USP10: variants seen among roughly 807,000 people sequenced by gnomAD.
USP10 encodes ubiquitin specific peptidase 10, also known as ubiquitin carboxyl-terminal hydrolase 10.
Under a neutral mutation model 84.5 loss-of-function variants are expected in USP10, and 22 were observed. The observed-to-expected ratio is 0.26, with a 90% CI of 0.19 to 0.37. The LOEUF (loss-of-function observed/expected upper bound fraction) is 0.37, where lower values mean the gene tolerates loss of function less well. Among genes scored for constraint, USP10 ranks in the 10% least tolerant of loss-of-function variants. The probability of loss-of-function intolerance (pLI) is 1.00; values close to 1 mark genes in which losing one functional copy is unlikely to be tolerated. For synonymous variants in USP10, 454 were observed against 387.6 expected, an observed-to-expected ratio of 1.17 and a Z score of -2.01; for missense variants, 1,019 against 998.9, an observed-to-expected ratio of 1.02 and a Z score of -0.27.
intron 1 of USP10, among the ~76,000 whole-genome samples, chr16:84,717,865 C>T (rs1313002966): frequency 2.6e-5 from 4 of 152,192 alleles, no homozygotes; most frequent in African/African-American, 9.6e-5. Flanking sequence ...TTAATTCATT[C>T]AGTTGCTATT....
intron 1 of USP10, among the ~76,000 whole-genome samples, chr16:84,727,714 A>G (rs1304478390): frequency 2.0e-5 from 3 of 152,238 alleles, no homozygotes; most frequent in African/African-American, 7.2e-5. Flanking sequence ...ATACAGACAT[A>G]CAATATTTTT....
chr16:84,759,681 G>A (rs1033034394), intron 6 of USP10, among the ~76,000 whole-genome samples: 2 of 152,140 alleles, frequency 1.3e-5, no homozygotes, highest in African/African-American at 4.8e-5. Context: ...AGATTCAGTA[G>A]AAAATATTTT....
At chr16:84,704,398 C>G (rs1239484839) in intron 1 of USP10, among the ~76,000 whole-genome samples, 1 of 152,234 alleles carries the variant, frequency 6.6e-6, no homozygotes, top group East Asian at 1.9e-4. Flanking sequence ...ACAGATAAAT[C>G]TGTTTGCAAT....
At chr16:84,715,381 A>T (rs961114351) in intron 1 of USP10, among the ~76,000 whole-genome samples, 6 of 152,192 alleles carry the variant, frequency 3.9e-5, no homozygotes, top group African/African-American at 1.4e-4. Context: ...ACGTTACAAG[A>T]TGTGTAATTA....
rs747704226 is a variant in USP10 at position 84,745,690 on chromosome 16, A to G, written c.1192+17A>G. The stretch of plus-strand genomic sequence containing the variant: ...AGATTGCAGGTATAGTTGAAAAGAT[A>G]CAAATCTAGAGTGAAGATGGGAGCA... On this transcript the variant is annotated intron_variant, in intron 4 of 13. Transcript: ENST00000219473. 6.3e-7 allele frequency: 1 copy of G among 1,591,036 alleles called. No homozygotes were observed. The highest frequency in any genetic ancestry group is 8.6e-7 in the Non-Finnish European group (1 of 1,167,784).
At chr16:84,732,817 G>A (rs1386121664) in intron 1 of USP10, among the ~76,000 whole-genome samples, 1 of 152,176 alleles carries the variant, frequency 6.6e-6, no homozygotes, top group Admixed American at 6.5e-5. Context: ...TCACATCCGT[G>A]CAGTTTAACC....
intron 11 of USP10, among the ~76,000 whole-genome samples, chr16:84,769,830 G>A (rs1424281782): frequency 6.6e-6 from 1 of 152,176 alleles, no homozygotes; most frequent in East Asian, 1.9e-4. Flanking sequence ...GCTGGGGTGG[G>A]CTGGTAGGGG....
intron 1 of USP10, among the ~76,000 whole-genome samples, chr16:84,725,621 C>G (rs578034210): frequency 1.3e-5 from 2 of 152,048 alleles, no homozygotes; most frequent in Non-Finnish European, 2.9e-5. Flanking sequence ...GCAGTCTGTT[C>G]TCTGACTCCT....
chr16:84,720,603 A>G lies in USP10; in HGVS notation c.22-12832A>G, dbSNP rs1450725903. On this transcript the variant is annotated intron_variant, in intron 1 of 13. Coordinates refer to ENST00000219473, the MANE Select transcript of USP10 (RefSeq NM_005153.3). ...TTTTTTTTTTTTTTTTTTTTTTGAG[A>G]TGGAGCCTCGCTGTGTTGCCCAGGC... is the stretch of plus-strand genomic sequence containing the variant. Among the ~76,000 whole-genome samples the G allele has an allele frequency of 9.1e-4, 30 of 32,936 alleles. 2 individuals carry two copies. The South Asian group carries it at 0.059, about 65-fold the overall frequency. 21.6% of individuals were successfully genotyped at this position (32,936 alleles called of 152,430 possible). A position where few individuals can be genotyped will look rare whatever the true frequency, so the allele number is the denominator to read the frequency against.
At chr16:84,735,876 G>A (rs539610329) in intron 2 of USP10, among the ~76,000 whole-genome samples, 23 of 152,208 alleles carry the variant, frequency 1.5e-4, no homozygotes, top group Non-Finnish European at 3.2e-4. Flanking sequence ...TAATCGGATG[G>A]AGTTGTTTTC....
At chr16:84,767,151 G>A (rs1029371313) in intron 10 of USP10, among the ~76,000 whole-genome samples, 24 of 152,106 alleles carry the variant, frequency 1.6e-4, no homozygotes, top group Non-Finnish European at 2.4e-4. Flanking sequence ...CTTTTAGCGA[G>A]CTCTTCACCG....
At chr16:84,727,452 C>T (rs1221177040) in intron 1 of USP10, among the ~76,000 whole-genome samples, 1 of 145,120 alleles carries the variant, frequency 6.9e-6, no homozygotes, top group Non-Finnish European at 1.5e-5. Context: ...TCAGTGTTAG[C>T]TTTAAAAAAA....
chr16:84,764,061 T>C lies in USP10; in HGVS notation c.1655-25T>C, dbSNP rs746432869. ...TTGCTGTTCTTGTCGTAAATAGTAG[T>C]GTAAGCAGATGCTCTCCTTTTCAGA... is the stretch of plus-strand genomic sequence containing the variant. On this transcript the variant is annotated intron_variant, in intron 9 of 13. Coordinates refer to ENST00000219473, the MANE Select transcript of USP10 (RefSeq NM_005153.3). 5.6e-6 allele frequency: 9 copies of C among 1,600,774 alleles called. No individual in the cohort carries two copies. In the South Asian group the frequency reaches 7.8e-5, roughly 14 times the overall value.
intron 1 of USP10, among the ~76,000 whole-genome samples, chr16:84,717,132 C>A (rs570746931): frequency 6.6e-6 from 1 of 152,278 alleles, no homozygotes; most frequent in East Asian, 1.9e-4. Context: ...CTAGGTAATT[C>A]CTAGGCTGCT....
intron 4 of USP10, among the ~76,000 whole-genome samples, chr16:84,755,875 T>C (rs1912475930): frequency 6.6e-6 from 1 of 152,154 alleles, no homozygotes; most frequent in Non-Finnish European, 1.5e-5. Context: ...GGGTATCTTT[T>C]ACTAACATCT....
chr16:84,703,388 CTT>C (rs1226484676), intron 1 of USP10, among the ~76,000 whole-genome samples: 1 of 152,184 alleles, frequency 6.6e-6, no homozygotes, highest in African/African-American at 2.4e-5. Flanking sequence ...GGCTTCTGTC[CTT>C]GTCTCTGCAT....
intron 3 of USP10, among the ~76,000 whole-genome samples, chr16:84,741,929 C>T (rs1301761770): frequency 6.6e-6 from 1 of 152,166 alleles, no homozygotes; most frequent in Non-Finnish European, 1.5e-5. Context: ...TGTTGTAAGC[C>T]CTCAGTACAT....
At chr16:84,713,463 C>T (rs150670341) in intron 1 of USP10, among the ~76,000 whole-genome samples, 22 of 152,218 alleles carry the variant, frequency 1.4e-4, no homozygotes, top group African/African-American at 4.8e-4. Context: ...CCCTACATAC[C>T]CGCTATCCTG....
At position 84,744,983 on chromosome 16, in the gene USP10, G is replaced by A. The variant is rs747839614; in HGVS notation, c.502G>A (p.Asp168Asn). Residue 168 changes from aspartate to asparagine, a missense_variant, in exon 4 of 14, where the codon GAT (aspartate) becomes AAT (asparagine). By Grantham distance (23) the Asp-to-Asn change is conservative. Coordinates refer to ENST00000219473, the MANE Select transcript of USP10 (RefSeq NM_005153.3). ...GYYSYLKDGG[D>N]DSISTEALVN... ...TTACAGCTATTTGAAAGATGGTGGC[G>A]ATGATAGTATCTCCACAGAAGCCCT... is the stretch of plus-strand genomic sequence containing the variant. 10 of 1,613,656 alleles carry A rather than the reference G, an allele frequency of 6.2e-6. No individual in the cohort carries two copies. The highest frequency in any genetic ancestry group is 4.5e-5 in the East Asian group (2 of 44,900).
Sources: gnomAD v4.1 joint callset for allele counts (sites outside exome capture counted in the v4.1 genomes callset) on GRCh38, gnomAD v4.1.1 for gene constraint, MANE v1.5 for transcripts, NCBI Gene and HGNC (gene_info 2026-07-23, HGNC 2026-07-21) for gene names.